Variants in KCND2 observed in about 807,000 individuals in gnomAD.
The protein encoded by KCND2 is A-type voltage-gated potassium channel KCND2.
Under a neutral mutation model 54.4 loss-of-function variants are expected in KCND2, and 16 were observed. That is an observed-to-expected ratio of 0.29 (90% CI 0.20 to 0.45). KCND2 has a LOEUF of 0.45. Among genes scored for constraint, KCND2 ranks in the 20% least tolerant of loss-of-function variants. The probability of loss-of-function intolerance (pLI) is 1.00; values close to 1 mark genes in which losing one functional copy is unlikely to be tolerated. For synonymous variants in KCND2, 317 were observed against 310.7 expected (o/e 1.02, Z -0.21); for missense variants, 486 against 824.2 (o/e 0.59, Z 5.02).
intron 1 of KCND2, among the ~76,000 whole-genome samples, chr7:120,563,741 G>T (rs1344014287): frequency 6.6e-6 from 1 of 151,958 alleles, no homozygotes; most frequent in Non-Finnish European, 1.5e-5. Flanking sequence ...GCAGAAACTG[G>T]CCCCTCTCCA....
chr7:120,428,839 A>G (rs1801751333), intron 1 of KCND2, among the ~76,000 whole-genome samples: 1 of 152,216 alleles, frequency 6.6e-6, no homozygotes, highest in South Asian at 2.1e-4. Flanking sequence ...AGTTTCTTTT[A>G]ATTCTGGGCT....
intron 1 of KCND2, among the ~76,000 whole-genome samples, chr7:120,369,104 T>C (rs542367389): frequency 7.9e-5 from 12 of 152,140 alleles, no homozygotes; most frequent in Admixed American, 5.2e-4. Flanking sequence ...AGTTAGAGTT[T>C]GAAAGTTAAC....
At chr7:120,680,246 C>G (rs1667873367) in intron 1 of KCND2, among the ~76,000 whole-genome samples, 1 of 152,068 alleles carries the variant, frequency 6.6e-6, no homozygotes, top group Non-Finnish European at 1.5e-5. Context: ...GCTGGGAAGA[C>G]AAGATTAATT....
chr7:120,561,973 C>T (rs866595885), intron 1 of KCND2, among the ~76,000 whole-genome samples: 4 of 152,150 alleles, frequency 2.6e-5, no homozygotes, highest in African/African-American at 7.2e-5. Context: ...AACAGTATTT[C>T]TGAAATAAAT....
At chr7:120,437,081 C>A (rs17142741) in intron 1 of KCND2, among the ~76,000 whole-genome samples, 10,131 of 152,124 alleles carry the variant, frequency 0.067, 1,087 homozygotes, top group East Asian at 0.53. Flanking sequence ...GGAAAAACAA[C>A]TTCTTTACTA....
intron 1 of KCND2, among the ~76,000 whole-genome samples, chr7:120,366,817 T>C (rs1332529954): frequency 6.6e-6 from 1 of 152,150 alleles, no homozygotes; most frequent in Non-Finnish European, 1.5e-5. Flanking sequence ...ATCTCTGTCA[T>C]TACTATGTGA....
chr7:120,612,088 C>T (rs1792963293), intron 1 of KCND2, among the ~76,000 whole-genome samples: 2 of 152,204 alleles, frequency 1.3e-5, no homozygotes, highest in South Asian at 4.1e-4. Flanking sequence ...ACCAATAGCA[C>T]TCTCTACCCA....
chr7:120,374,357 A>G (rs918328363), intron 1 of KCND2, among the ~76,000 whole-genome samples: 1 of 151,768 alleles, frequency 6.6e-6, no homozygotes, highest in African/African-American at 2.4e-5. Context: ...AACATTTTAC[A>G]ATTCTTAGTC....
chr7:120,446,593 T>C (rs1237705458), intron 1 of KCND2, among the ~76,000 whole-genome samples: 1 of 152,024 alleles, frequency 6.6e-6, no homozygotes, highest in Non-Finnish European at 1.5e-5. Context: ...GATACACTCA[T>C]ACATACAAAC....
intron 1 of KCND2, among the ~76,000 whole-genome samples, chr7:120,428,003 A>G (rs1369127267): frequency 6.6e-6 from 1 of 152,210 alleles, no homozygotes; most frequent in Non-Finnish European, 1.5e-5. Context: ...TTTACATCTT[A>G]TATGAAAGTT....
chr7:120,394,916 A>G (rs1801131864), intron 1 of KCND2, among the ~76,000 whole-genome samples: 1 of 151,958 alleles, frequency 6.6e-6, no homozygotes, highest in African/African-American at 2.4e-5. Flanking sequence ...GTTTCTTTTA[A>G]TTTTTCTGGG....
intron 1 of KCND2, among the ~76,000 whole-genome samples, chr7:120,410,575 C>G (rs1317180630): frequency 6.6e-6 from 1 of 151,814 alleles, no homozygotes; most frequent in Non-Finnish European, 1.5e-5. Flanking sequence ...ACTTTAAGTT[C>G]TAGGATACAT....
At chr7:120,564,464 T>G (rs1443496995) in intron 1 of KCND2, among the ~76,000 whole-genome samples, 1 of 152,184 alleles carries the variant, frequency 6.6e-6, no homozygotes, top group African/African-American at 2.4e-5. Flanking sequence ...ATAATAAAGA[T>G]GTTACCCAGC....
intron 1 of KCND2, among the ~76,000 whole-genome samples, chr7:120,293,634 C>A (rs1388275956): frequency 6.6e-6 from 1 of 151,878 alleles, no homozygotes; most frequent in African/African-American, 2.4e-5. Flanking sequence ...ATGCAATCAT[C>A]ATTATTATCA....
At chr7:120,444,789 G>C (rs1352320406) in intron 1 of KCND2, among the ~76,000 whole-genome samples, 3 of 152,074 alleles carry the variant, frequency 2.0e-5, no homozygotes, top group Non-Finnish European at 1.5e-5. Context: ...GCCAGGAAAA[G>C]TTTAATACTT....
chr7:120,318,033 TGATGTCAGA>T (rs1383095693), intron 1 of KCND2, among the ~76,000 whole-genome samples: 2 of 152,158 alleles, frequency 1.3e-5, no homozygotes, highest in African/African-American at 4.8e-5. Context: ...GTGTGAGGGT[TGATGTCAGA>T]GATGTCAGAG....
At chr7:120,339,050 A>ATTTTTTTTTTT (rs778288080) in intron 1 of KCND2, among the ~76,000 whole-genome samples, 1 of 138,896 alleles carries the variant, frequency 7.2e-6, no homozygotes, top group East Asian at 2.0e-4. Context: ...CTGGCTAATT[A>ATTTTTTTTTTT]TTATTTTTTT....
chr7:120,366,246 A>C (rs1429446960), intron 1 of KCND2, among the ~76,000 whole-genome samples: 1 of 152,100 alleles, frequency 6.6e-6, no homozygotes, highest in Non-Finnish European at 1.5e-5. Context: ...GCACTTTGGG[A>C]GTCCAAGGCA....
At chr7:120,743,435 C>T (rs1049554899) in intron 4 of KCND2, among the ~76,000 whole-genome samples, 3 of 152,162 alleles carry the variant, frequency 2.0e-5, no homozygotes, top group African/African-American at 7.2e-5. Context: ...CAAGAAACGC[C>T]ATGAAATGAG....
Sources: gnomAD v4.1 joint callset for allele counts (sites outside exome capture counted in the v4.1 genomes callset) on GRCh38, gnomAD v4.1.1 for gene constraint, MANE v1.5 for transcripts, NCBI Gene and HGNC (gene_info 2026-07-23, HGNC 2026-07-21) for gene names.